The following ATP8A2 variants were observed in gnomAD, a reference collection of about 807,000 sequenced individuals.
ATP8A2 encodes the protein ATPase phospholipid transporting 8A2, also known as phospholipid-transporting ATPase IB.
ATP8A2 carries 100 observed loss-of-function variants against 165.6 expected under a neutral mutation model. The ratio of observed to expected loss-of-function variants is 0.60; its 90% CI spans 0.51 to 0.71. ATP8A2 has a LOEUF of 0.71. ATP8A2 is among the 30% of genes least tolerant of loss of function. The probability of loss-of-function intolerance (pLI) is 0.00; values close to 1 mark genes in which losing one functional copy is unlikely to be tolerated. For missense variants in ATP8A2, 1,227 were observed against 1,479.5 expected (o/e 0.83, Z 2.80); for synonymous variants, 543 against 548.8 (o/e 0.99, Z 0.15).
At chr13:25,402,691 G>A (rs989056215) in intron 1 of ATP8A2, among the ~76,000 whole-genome samples, 3 of 152,134 alleles carry the variant, frequency 2.0e-5, no homozygotes. Context: ...TTAAGAGGTG[G>A]GGTATTTAGG....
chr13:25,417,776 C>T (rs1252517698), intron 1 of ATP8A2, among the ~76,000 whole-genome samples: 1 of 152,204 alleles, frequency 6.6e-6, no homozygotes, highest in East Asian at 1.9e-4. Flanking sequence ...TACACAGTGT[C>T]TGCCTCAGCA....
In ATP8A2 at chr13:25,780,913, G is replaced by A. The variant is rs550647370; in HGVS notation, c.2679+5954G>A. ...CCACCGACCAGCACCAGTCCAGTCC[G>A]TGGCCCAGGGGTTGGGGATCCCTGT... is the stretch of plus-strand genomic sequence containing the variant. On this transcript the variant is annotated intron_variant, in intron 27 of 36. Transcript: ENST00000381655. 7.1e-4 allele frequency among the ~76,000 whole-genome samples: 108 copies of A among 152,264 alleles called. 1 individual carries two copies. The highest frequency in any genetic ancestry group is 2.4e-3 in the African/African-American group (101 of 41,552).
rs1444044910 is a variant in ATP8A2 at position 26,024,433 on chromosome 13, G to T, written c.*4448G>T. 2 of 152,060 alleles carry T rather than the reference G, an allele frequency of 1.3e-5. No individual in the cohort carries two copies. Among genetic ancestry groups the T allele is most frequent in the Admixed American group, 6.6e-5 (1 of 15,258 alleles). 9.4% of individuals were successfully genotyped at this position (152,060 alleles called of 1,614,324 possible). A position where few individuals can be genotyped will look rare whatever the true frequency, so the allele number is the denominator to read the frequency against. ...GTTCTGTTTAAAGCTCTCTTAATTT[G>T]TTGGCTATGAGTGATTTGTGAATCT... On this transcript the variant is annotated 3_prime_UTR_variant, in exon 37 of 37. Transcript: ENST00000381655.
intron 25 of ATP8A2, among the ~76,000 whole-genome samples, chr13:25,721,594 C>CT (rs1436804604): frequency 5.9e-5 from 9 of 152,238 alleles, no homozygotes; most frequent in African/African-American, 2.2e-4. Context: ...ACCTGGTACA[C>CT]TTGAACAGCC....
chr13:25,836,374 AG>A (rs1473429958), intron 28 of ATP8A2, among the ~76,000 whole-genome samples: 3 of 152,198 alleles, frequency 2.0e-5, no homozygotes, highest in African/African-American at 7.2e-5. Context: ...CTGATGTCTC[AG>A]AGCTTTGTAA....
chr13:25,914,619 C>T lies in ATP8A2; in HGVS notation c.3184-46956C>T, dbSNP rs532882401. Among the ~76,000 whole-genome samples, 9 of 152,280 alleles carry T rather than the reference C, an allele frequency of 5.9e-5. No homozygotes were observed. In the South Asian group the frequency reaches 1.9e-3, roughly 32 times the overall value. On this transcript the variant is annotated intron_variant, in intron 33 of 36. Transcript: ENST00000381655. ...TCTCAATGCTGATGTACTGGTGTGGCCCTGTCATCTTCTGCTCAACTACAG... is the reference window on the plus strand; with the variant it reads ...TCTCAATGCTGATGTACTGGTGTGGTCCTGTCATCTTCTGCTCAACTACAG...
At chr13:25,828,849 T>G (rs1951383578) in intron 28 of ATP8A2, among the ~76,000 whole-genome samples, 2 of 152,162 alleles carry the variant, frequency 1.3e-5, no homozygotes, top group Admixed American at 6.5e-5. Flanking sequence ...TGCTTTTTGT[T>G]TCACTGGCAG....
At chr13:25,709,619 G>A (rs917960858) in intron 25 of ATP8A2, among the ~76,000 whole-genome samples, 30 of 152,128 alleles carry the variant, frequency 2.0e-4, no homozygotes, top group African/African-American at 4.8e-5. Flanking sequence ...GTTTTCAAAC[G>A]ATGATGCTTC....
In ATP8A2 at chr13:25,453,115, A is replaced by G. The variant is rs150049402; in HGVS notation, c.77-15862A>G. ...TCTTTAAAAAACAAAAAATAGTGTT[A>G]TATGAACGTTTCTTTTCTTTTCTTT... On this transcript the variant is annotated intron_variant, in intron 1 of 36. Transcript: ENST00000381655. Among the ~76,000 whole-genome samples, 129 of 152,040 alleles carry G rather than the reference A, an allele frequency of 8.5e-4. 1 individual carries two copies. In the East Asian group the frequency reaches 0.014, roughly 17 times the overall value.
At chr13:25,818,862 A>T (rs1457956565) in intron 27 of ATP8A2, among the ~76,000 whole-genome samples, 1 of 152,224 alleles carries the variant, frequency 6.6e-6, no homozygotes, top group Non-Finnish European at 1.5e-5. Flanking sequence ...CACATGGGGT[A>T]GCCAGATAAC....
At chr13:25,453,077 G>C (rs2035271142) in intron 1 of ATP8A2, among the ~76,000 whole-genome samples, 1 of 152,068 alleles carries the variant, frequency 6.6e-6, no homozygotes, top group African/African-American at 2.4e-5. Context: ...CTGGGTGACA[G>C]AGTGAGACTC....
intron 33 of ATP8A2, among the ~76,000 whole-genome samples, chr13:25,929,269 C>T (rs1204117067): frequency 6.6e-6 from 1 of 152,118 alleles, no homozygotes; most frequent in African/African-American, 2.4e-5. Context: ...GTGGGGGCTG[C>T]CTTCTCTCCC....
intron 33 of ATP8A2, among the ~76,000 whole-genome samples, chr13:25,935,409 T>A (rs1954857579): frequency 6.6e-6 from 1 of 152,192 alleles, no homozygotes; most frequent in South Asian, 2.1e-4. Context: ...ATAGTGTAAT[T>A]TTCTGATACA....
chr13:25,772,038 A>C (rs970567253), intron 26 of ATP8A2, among the ~76,000 whole-genome samples: 1 of 152,180 alleles, frequency 6.6e-6, no homozygotes, highest in African/African-American at 2.4e-5. Flanking sequence ...AAAGTTACGA[A>C]GTGGGCAAAG....
At chr13:25,582,513 T>A (rs949532517) in intron 23 of ATP8A2, among the ~76,000 whole-genome samples, 2 of 152,252 alleles carry the variant, frequency 1.3e-5, no homozygotes, top group Non-Finnish European at 2.9e-5. Flanking sequence ...ACTCATTTTT[T>A]AAAAATCTAA....
intron 18 of ATP8A2, among the ~76,000 whole-genome samples, chr13:25,573,650 C>T (rs974091956): frequency 4.7e-5 from 7 of 150,440 alleles, no homozygotes; most frequent in Admixed American, 2.6e-4. Context: ...TGCATGTGGA[C>T]GTGGTTGATA....
chr13:25,429,926 G>A (rs1450094549), intron 1 of ATP8A2, among the ~76,000 whole-genome samples: 3 of 152,124 alleles, frequency 2.0e-5, no homozygotes, highest in Non-Finnish European at 2.9e-5. Flanking sequence ...TGAAGGAGAG[G>A]GATGGCTGTG....
At chr13:25,528,064 A>G (rs1305287921) in intron 2 of ATP8A2, among the ~76,000 whole-genome samples, 2 of 152,158 alleles carry the variant, frequency 1.3e-5, no homozygotes, top group Non-Finnish European at 2.9e-5. Context: ...AGCCATAGTT[A>G]AGAAGACTTT....
chr13:25,933,620 T>A (rs142822525), intron 33 of ATP8A2, among the ~76,000 whole-genome samples: 1 of 152,290 alleles, frequency 6.6e-6, no homozygotes, highest in Non-Finnish European at 1.5e-5. Context: ...ATGGGAAGAC[T>A]GGGAGGGTGC....
Sources: gnomAD v4.1 joint callset for allele counts (sites outside exome capture counted in the v4.1 genomes callset) on GRCh38, gnomAD v4.1.1 for gene constraint, MANE v1.5 for transcripts, NCBI Gene and HGNC (gene_info 2026-07-23, HGNC 2026-07-21) for gene names.